The following STAT5A variants were observed in gnomAD, a reference collection of about 807,000 sequenced individuals.
STAT5A encodes epididymis secretory sperm binding protein.
STAT5A carries 26 observed loss-of-function variants against 100.2 expected under a neutral mutation model. The observed-to-expected ratio is 0.26, with a 90% CI of 0.19 to 0.36. The LOEUF (loss-of-function observed/expected upper bound fraction) is 0.36, where lower values mean the gene tolerates loss of function less well. STAT5A is among the 10% of genes least tolerant of loss of function. The probability of loss-of-function intolerance (pLI) is 1.00; values close to 1 mark genes in which losing one functional copy is unlikely to be tolerated. For synonymous variants in STAT5A, 330 were observed against 424.3 expected, an observed-to-expected ratio of 0.78 and a Z score of 2.73; for missense variants, 634 against 1,027.5, an observed-to-expected ratio of 0.62 and a Z score of 5.24.
chr17:42,301,150 T>C (rs544285642), intron 8 of STAT5A, 125 bp from the exon 9 acceptor site: 88 of 1,461,814 alleles, frequency 6.0e-5, no homozygotes, highest in Non-Finnish European at 7.5e-5. Flanking sequence ...GGAACAGAGG[T>C]TGTGCCCGAG....
chr17:42,298,510 C>T (rs1416627760), intron 5 of STAT5A, among the ~76,000 whole-genome samples: 3 of 142,342 alleles, frequency 2.1e-5, no homozygotes, highest in Admixed American at 1.4e-4. Flanking sequence ...CTAGCTCTGT[C>T]GCCCAGGCTG....
rs558290828 is a variant in STAT5A at position 42,292,953 on chromosome 17, T to C, written c.375+892T>C. Among the ~76,000 whole-genome samples, 8 of 152,032 alleles carry C rather than the reference T, an allele frequency of 5.3e-5. No homozygotes were observed. In the East Asian group the frequency reaches 1.6e-3, roughly 30 times the overall value. ...TGTTCCTACTCTTGTAAAATGGAGA[T>C]AGCAATCATACCTATCTGTGTCAGA... On this transcript the variant is annotated intron_variant, in intron 4 of 18. Coordinates refer to ENST00000590949, the MANE Select transcript of STAT5A (RefSeq NM_001288718.2).
At position 42,308,291 on chromosome 17, in the gene STAT5A, C is replaced by A. The variant is rs2081048836; in HGVS notation, c.2020C>A (p.Pro674Thr). ...SYLIYVFPDR[P>T]KDEVFSKYYT... is the part of the protein sequence containing the mutation. Reference sequence around the variant, plus strand: ...TCTCATCTATGTGTTTCCTGACCGCCCCAAGGATGAGGTCTTCTCCAAGTA... The same window carrying A: ...TCTCATCTATGTGTTTCCTGACCGCACCAAGGATGAGGTCTTCTCCAAGTA... The change falls in exon 16 of 19, where the codon CCC (proline) becomes ACC (threonine). Residue 674 changes from proline (P) to threonine (T), a missense_variant. Around this residue, in one of 5 missense-constraint regions of STAT5A, gnomAD observed 210 missense variants for 428.4 expected, o/e 0.49. Coordinates refer to ENST00000590949, the MANE Select transcript of STAT5A (RefSeq NM_001288718.2). This position sits in a 1 kb window ranked among gnomAD's most constrained non-coding sequence, Gnocchi z 4.6. 1 of 1,614,222 alleles carries A rather than the reference C, an allele frequency of 6.2e-7. No homozygotes were observed. Among genetic ancestry groups the A allele is most frequent in the Non-Finnish European group, 8.5e-7 (1 of 1,180,042 alleles).
chr17:42,301,563 C>G, intron 9 of STAT5A, 109 bp downstream of exon 9: 1 of 1,488,042 alleles, frequency 6.7e-7, no homozygotes, highest in Non-Finnish European at 9.1e-7. Context: ...ACCGTGTTGC[C>G]CAGGCTGGTC....
chr17:42,306,581 G>A, intron 13 of STAT5A, 134 bp downstream of exon 13: 2 of 1,429,362 alleles, frequency 1.4e-6, no homozygotes, highest in Middle Eastern at 1.8e-4. Context: ...AACCAGGAGA[G>A]ATGGGGGCCC....
At position 42,300,880 on chromosome 17, in the gene STAT5A, G is replaced by A. The variant is rs1428804169; in HGVS notation, c.989+10G>A. 7 of 1,611,136 alleles carry A rather than the reference G, an allele frequency of 4.3e-6. No homozygotes were observed. The highest frequency in any genetic ancestry group is 1.3e-5 in the African/African-American group (1 of 74,900). On this transcript the variant is annotated intron_variant, in intron 8 of 18. Coordinates refer to ENST00000590949, the MANE Select transcript of STAT5A (RefSeq NM_001288718.2). Reference sequence around the variant, plus strand: ...CAGCCCTGGTGACCAGGTGACTGCTGCCTGTTTGCCATGCCCAGGAGCTTG... The same window carrying A: ...CAGCCCTGGTGACCAGGTGACTGCTACCTGTTTGCCATGCCCAGGAGCTTG...
rs2080971042 is a variant in STAT5A, at chr17:42,300,864, T to C, written c.983T>C (p.Val328Ala). The change falls in exon 8 of 19, where the codon GTG becomes GCG. Residue 328 changes from valine (V) to alanine (A), a missense_variant. Physicochemically the swap from Val to Ala is moderately conservative, Grantham distance 64 (BLOSUM62 0). Transcript: ENST00000590949. ...ATCACGGACATTATCTCAGCCCTGG[T>C]GACCAGGTGACTGCTGCCTGTTTGC... ...ATITDIISAL[V>A]TSTFIIEKQP... 6.2e-7 allele frequency: 1 copy of C among 1,611,058 alleles called. No individual in the cohort carries two copies. The highest frequency in any genetic ancestry group is 1.3e-5 in the African/African-American group (1 of 74,764).
At chr17:42,302,002 A>G (rs940222701) in intron 9 of STAT5A, among the ~76,000 whole-genome samples, 8 of 152,126 alleles carry the variant, frequency 5.3e-5, no homozygotes, top group Non-Finnish European at 1.2e-4. Context: ...CATCGCTACA[A>G]AAAGTTTTAA....
intron 18 of STAT5A, chr17:42,309,802 G>A (rs1365879495): frequency 7.6e-6 from 2 of 264,430 alleles, no homozygotes; most frequent in Non-Finnish European, 1.4e-5. Context: ...TGTGGGTGAA[G>A]CATTTCCACA....
At chr17:42,302,785 T>C (rs1410717308) in intron 9 of STAT5A, among the ~76,000 whole-genome samples, 3 of 150,540 alleles carry the variant, frequency 2.0e-5, no homozygotes, top group Non-Finnish European at 4.4e-5. Flanking sequence ...AATACAAAAA[T>C]TAGCCAGGCT....
At chr17:42,297,192 C>T (rs1158214962) in intron 5 of STAT5A, among the ~76,000 whole-genome samples, 1 of 152,142 alleles carries the variant, frequency 6.6e-6, no homozygotes, top group East Asian at 1.9e-4. Context: ...CTGCCTCGGC[C>T]TCCCAAAGTG....
chr17:42,292,908 G>A (rs1402240916), intron 4 of STAT5A, among the ~76,000 whole-genome samples: 2 of 152,154 alleles, frequency 1.3e-5, no homozygotes, highest in South Asian at 2.1e-4. Context: ...GATTACAGGC[G>A]TGAGCCACCG....
In STAT5A at chr17:42,304,158, G is replaced by C; in HGVS notation, c.1170-184G>C. On this transcript the variant is annotated intron_variant, in intron 9 of 18. Coordinates refer to ENST00000590949, the MANE Select transcript of STAT5A (RefSeq NM_001288718.2). This position sits in a 1 kb window ranked among gnomAD's most constrained non-coding sequence, Gnocchi z 4.8. Reference sequence around the variant, plus strand: ...CACCACTGGAGACCTTGCCTTGGGTGCTGGGCACCAGGTTGATGGAGAAGT... The same window carrying C: ...CACCACTGGAGACCTTGCCTTGGGTCCTGGGCACCAGGTTGATGGAGAAGT... 1 of 605,648 alleles carries C rather than the reference G, an allele frequency of 1.7e-6. No individual in the cohort carries two copies. Among genetic ancestry groups the C allele is most frequent in the Admixed American group, 2.9e-5 (1 of 34,312 alleles). The allele number at this position is 605,648 out of a possible 1,614,324, so 37.5% of individuals were successfully genotyped here.
chr17:42,310,376 G>A, intron 18 of STAT5A, 131 bp from the exon 19 acceptor site: 1 of 960,604 alleles, frequency 1.0e-6, no homozygotes, highest in Non-Finnish European at 1.6e-6. Context: ...GGTGGGGTGG[G>A]GGCATCCAGC....
chr17:42,307,369 C>G (rs1273424917), intron 13 of STAT5A, 33 bp from the exon 14 acceptor site: 1 of 1,605,982 alleles, frequency 6.2e-7, no homozygotes, highest in Admixed American at 1.7e-5. Flanking sequence ...ACCTGGGGCA[C>G]CAGCCCTGAC....
rs1195294624 is a variant in STAT5A at position 42,289,531 on chromosome 17, C to T, written c.120C>T (p.Ser40=). 1 of 1,612,558 alleles carries T rather than the reference C, an allele frequency of 6.2e-7. No homozygotes were observed. Among genetic ancestry groups the T allele is most frequent in the Non-Finnish European group, 8.5e-7 (1 of 1,179,616 alleles). Residue 40 remains serine (S), a synonymous_variant, in exon 2 of 19, where the codon AGC becomes AGT. Transcript: ENST00000590949. ...ACTACTTGGCCCAGTGGATTGAGAGCCAGCCATGGTAGGCACGTCCCGCCC... is the reference window on the plus strand; with the variant it reads ...ACTACTTGGCCCAGTGGATTGAGAGTCAGCCATGGTAGGCACGTCCCGCCC... The part of the protein sequence containing the change: ...VRHYLAQWIE[S]QPWDAIDLDN...
At chr17:42,306,545 C>T (rs907481878) in intron 13 of STAT5A, 98 bp downstream of exon 13, 1 of 1,527,632 alleles carries the variant, frequency 6.5e-7, no homozygotes, top group African/African-American at 1.4e-5. Flanking sequence ...GCACCCCACT[C>T]TCCACCCCCA....
Position 42,299,805 on chromosome 17 carries a change from C to T in STAT5A, c.605C>T (p.Thr202Met), listed in dbSNP as rs374346157. The T allele has an allele frequency of 6.2e-6, 10 of 1,613,816 alleles. No individual in the cohort carries two copies. The highest frequency in any genetic ancestry group is 1.7e-5 in the Admixed American group (1 of 59,996). Residue 202 changes from threonine to methionine, a missense_variant, in exon 6 of 19, where the codon ACG (threonine) becomes ATG (methionine). By Grantham distance (81) the Thr-to-Met change is moderately conservative. Around this residue, in one of 5 missense-constraint regions of STAT5A, gnomAD observed 207 missense variants for 256.6 expected, o/e 0.81. Coordinates refer to ENST00000590949, the MANE Select transcript of STAT5A (RefSeq NM_001288718.2). Reference protein sequence around the residue: ...LSPQERLSRETALQQKQVSLE... With the variant: ...LSPQERLSREMALQQKQVSLE... ...CCCCAGGAGCGTCTGAGCCGGGAGA[C>T]GGCCCTCCAGCAGAAGCAGGTGTCT...
Position 42,308,994 on chromosome 17 carries a change from C to A in STAT5A, c.2063-53C>A, listed in dbSNP as rs557660205. The A allele has an allele frequency of 9.9e-6, 16 of 1,613,246 alleles. No individual in the cohort carries two copies. The South Asian group carries it at 1.1e-4, about 11-fold the overall frequency. ...CTACATGGGGCGTGGGCTTCCACCC[C>A]ACTTGGGAGTTCCCAGAGACTTTGG... On this transcript the variant is annotated intron_variant, in intron 16 of 18. Transcript: ENST00000590949. The surrounding 1 kb of genome is among the most constrained non-coding windows in gnomAD (Gnocchi z 4.6).
Sources: allele counts gnomAD v4.1 joint callset (sites outside exome capture counted in the v4.1 genomes callset), GRCh38; gene constraint gnomAD v4.1.1; regional missense constraint gnomAD v4.1.1; non-coding constraint Gnocchi (gnomAD v3.1); transcripts MANE v1.5; gene names NCBI Gene and HGNC (gene_info 2026-07-23, HGNC 2026-07-21).